IL1RAPL1: variants seen among roughly 807,000 people sequenced by gnomAD.
IL1RAPL1 encodes interleukin-1 receptor accessory protein-like 1.
In IL1RAPL1, 3 loss-of-function variants were observed where a neutral mutation model predicts 48.4. That is an observed-to-expected ratio of 0.06 (90% CI 0.03 to 0.16). IL1RAPL1 has a LOEUF of 0.16. IL1RAPL1 is among the 10% of genes least tolerant of loss of function. The pLI, the probability that IL1RAPL1 is intolerant of heterozygous loss-of-function variation, is 1.00. For missense variants in IL1RAPL1, 349 were observed against 530.6 expected (o/e 0.66, Z 3.36); for synonymous variants, 185 against 187.7 (o/e 0.99, Z 0.12).
chrX:29,214,034 AATAG>A (rs1930819987), intron 2 of IL1RAPL1, among the ~76,000 whole-genome samples: 1 of 111,595 alleles, frequency 9.0e-6, no homozygotes, highest in African/African-American at 3.3e-5. Flanking sequence ...TTGCAGAATG[AATAG>A]ATAAAGTAAG....
intron 2 of IL1RAPL1, among the ~76,000 whole-genome samples, chrX:28,831,997 G>T (rs989282715): frequency 9.1e-6 from 1 of 110,264 alleles, no homozygotes. Context: ...ATAATTGTAC[G>T]CATTTATTGG....
chrX:28,666,697 CATA>C (rs1333857153), intron 1 of IL1RAPL1, among the ~76,000 whole-genome samples: 1 of 111,723 alleles, frequency 9.0e-6, no homozygotes, highest in Non-Finnish European at 1.9e-5. Flanking sequence ...GTTTAAGGTA[CATA>C]ATTGAAAAAT....
Position 28,654,574 on chromosome X carries a change from A to G in IL1RAPL1, c.-25+66527A>G, listed in dbSNP as rs191446638. On this transcript the variant is annotated intron_variant, in intron 1 of 10. Coordinates refer to ENST00000378993, the MANE Select transcript of IL1RAPL1 (RefSeq NM_014271.4). ...CTATTTGGAGGAAGACAACAATTCT[A>G]AATGGAATGTGATTTGTGTTTGTCA... Among the ~76,000 whole-genome samples, 269 of 112,362 alleles carry G rather than the reference A, an allele frequency of 2.4e-3. 1 individual carries two copies. Among genetic ancestry groups the G allele is most frequent in the Non-Finnish European group, 4.0e-3 (212 of 53,329 alleles).
chrX:29,119,338 C>A lies in IL1RAPL1; in HGVS notation c.83-163600C>A, dbSNP rs747211690. On this transcript the variant is annotated intron_variant, in intron 2 of 10. Coordinates refer to ENST00000378993, the MANE Select transcript of IL1RAPL1 (RefSeq NM_014271.4). ...CCCAAATTCCTCAAAATTAAAAGATCATTTCATTGGCACACTTACAAGAGA... is the reference window on the plus strand; with the variant it reads ...CCCAAATTCCTCAAAATTAAAAGATAATTTCATTGGCACACTTACAAGAGA... 6.3e-5 allele frequency among the ~76,000 whole-genome samples: 7 copies of A among 111,242 alleles called. No individual in the cohort carries two copies. In the South Asian group the frequency reaches 2.2e-3, roughly 36 times the overall value.
At position 29,938,884 on chromosome X, in the gene IL1RAPL1, A is replaced by G. The variant is rs1369939833; in HGVS notation, c.1058-2767A>G. Among the ~76,000 whole-genome samples, 46 of 112,367 alleles carry G rather than the reference A, an allele frequency of 4.1e-4. No homozygotes were observed. In the Admixed American group the frequency reaches 4.3e-3, roughly 11 times the overall value. ...TTCCTTTTTCTAACATAATTTTGTG[A>G]GAGTCATGCATGTTTTGCGTATCAG... is the stretch of plus-strand genomic sequence containing the variant. On this transcript the variant is annotated intron_variant, in intron 8 of 10. Coordinates refer to ENST00000378993, the MANE Select transcript of IL1RAPL1 (RefSeq NM_014271.4).
In IL1RAPL1 at chrX:29,053,342, C is replaced by T. The variant is rs143796361; in HGVS notation, c.83-229596C>T. 2.1e-4 allele frequency among the ~76,000 whole-genome samples: 24 copies of T among 111,794 alleles called. No individual in the cohort carries two copies. In the East Asian group the frequency reaches 6.5e-3, roughly 30 times the overall value. On this transcript the variant is annotated intron_variant, in intron 2 of 10. Coordinates refer to ENST00000378993, the MANE Select transcript of IL1RAPL1 (RefSeq NM_014271.4). ...TAAATAGTGCTGCAGTGAACATACA[C>T]ATACATATGTCTTTATGATAGAAGG...
At chrX:29,885,884 A>G (rs1932151602) in intron 6 of IL1RAPL1, among the ~76,000 whole-genome samples, 1 of 112,118 alleles carries the variant, frequency 8.9e-6, no homozygotes, top group Non-Finnish European at 1.9e-5. Flanking sequence ...AGCAGTCACA[A>G]TATAGTGCAA....
Position 28,737,205 on chromosome X carries a change from CT to C in IL1RAPL1, c.-24-52114del, listed in dbSNP as rs1935848742. 1.3e-3 allele frequency among the ~76,000 whole-genome samples: 64 copies of C among 50,273 alleles called. 3 individuals carry two copies. Among genetic ancestry groups the C allele is most frequent in the Admixed American group, 6.8e-3 (25 of 3,702 alleles). The allele number at this position is 50,273 out of a possible 115,157, so 43.7% of individuals were successfully genotyped here. A position where few individuals can be genotyped will look rare whatever the true frequency, so the allele number is the denominator to read the frequency against. On this transcript the variant is annotated intron_variant, in intron 1 of 10. Transcript: ENST00000378993. ...TTCTTTCCTTTCTCTTTCTTTCTTT[CT>C]CTTTCTTTCTTTCTTTCTTTCTTTC...
intron 2 of IL1RAPL1, among the ~76,000 whole-genome samples, chrX:29,258,242 T>C (rs1305570718): frequency 9.0e-6 from 1 of 111,515 alleles, no homozygotes. Context: ...AAATTTCACA[T>C]GTACCCCATA....
intron 6 of IL1RAPL1, among the ~76,000 whole-genome samples, chrX:29,722,562 T>A (rs1313446784): frequency 8.9e-6 from 1 of 112,339 alleles, no homozygotes; most frequent in African/African-American, 3.2e-5. Context: ...CTATTTATAG[T>A]ATGTAACAAA....
intron 5 of IL1RAPL1, among the ~76,000 whole-genome samples, chrX:29,654,883 A>T (rs1466755632): frequency 8.9e-6 from 1 of 112,374 alleles, no homozygotes; most frequent in East Asian, 2.8e-4. Context: ...TCTAAAGAAC[A>T]TCTCTAATAT....
chrX:29,951,060 C>T (rs146866844), intron 9 of IL1RAPL1, among the ~76,000 whole-genome samples: 87 of 111,799 alleles, frequency 7.8e-4, no homozygotes, highest in African/African-American at 2.7e-3. Flanking sequence ...CTCTGAACCA[C>T]AGCTCCTAGT....
At chrX:29,696,178 T>G (rs375406591) in intron 6 of IL1RAPL1, among the ~76,000 whole-genome samples, 1 of 111,452 alleles carries the variant, frequency 9.0e-6, no homozygotes, top group East Asian at 2.8e-4. Flanking sequence ...TAGATGCCAG[T>G]ACCAGTCCCC....
intron 2 of IL1RAPL1, among the ~76,000 whole-genome samples, chrX:29,138,612 TA>T (rs34928715): frequency 5.4e-4 from 51 of 94,336 alleles, no homozygotes; most frequent in African/African-American, 5.0e-4. Flanking sequence ...TACTAAAAAT[TA>T]AAAAAAAAAA....
At chrX:29,222,173 T>C (rs1930995620) in intron 2 of IL1RAPL1, among the ~76,000 whole-genome samples, 2 of 111,424 alleles carry the variant, frequency 1.8e-5, no homozygotes, top group African/African-American at 6.5e-5. Flanking sequence ...ATGTTTCCAA[T>C]AGAGGATTCA....
At chrX:29,238,287 C>T (rs927508944) in intron 2 of IL1RAPL1, among the ~76,000 whole-genome samples, 5 of 111,862 alleles carry the variant, frequency 4.5e-5, no homozygotes, top group African/African-American at 1.6e-4. Flanking sequence ...CTAAATATCA[C>T]CTGGAATTGT....
intron 1 of IL1RAPL1, among the ~76,000 whole-genome samples, chrX:28,688,243 G>T (rs1461248659): frequency 9.2e-6 from 1 of 108,287 alleles, no homozygotes; most frequent in Non-Finnish European, 1.9e-5. Flanking sequence ...CTGGGCTGGA[G>T]TGCAGTGATG....
intron 3 of IL1RAPL1, among the ~76,000 whole-genome samples, chrX:29,330,798 C>T (rs1932878753): frequency 2.7e-5 from 3 of 111,698 alleles, no homozygotes; most frequent in Admixed American, 9.5e-5. Context: ...TTTCTGTGTA[C>T]TTTGCTGTTA....
At chrX:29,309,290 T>A (rs1932671547) in intron 3 of IL1RAPL1, among the ~76,000 whole-genome samples, 1 of 111,111 alleles carries the variant, frequency 9.0e-6, no homozygotes, top group Admixed American at 9.6e-5. Context: ...GGAAAAGCAC[T>A]GGAAGACACT....
Sources: gnomAD v4.1 joint callset for allele counts (sites outside exome capture counted in the v4.1 genomes callset) on GRCh38, gnomAD v4.1.1 for gene constraint, MANE v1.5 for transcripts, NCBI Gene and HGNC (gene_info 2026-07-23, HGNC 2026-07-21) for gene names.